Variants in MMP16 observed in about 807,000 individuals in gnomAD.
MMP16 encodes the protein matrix metalloproteinase-16.
A neutral mutation model predicts 67.8 loss-of-function variants in MMP16; 12 were observed. The observed-to-expected ratio is 0.18, with a 90% CI of 0.11 to 0.29. The LOEUF is 0.29. MMP16 is among the 10% of genes least tolerant of loss of function. The pLI is 1.00. For missense variants in MMP16, 475 were observed against 765.7 expected (o/e 0.62, Z 4.48); for synonymous variants, 249 against 255.9 (o/e 0.97, Z 0.26).
chr8:88,233,259 A>C (rs537311868), intron 1 of MMP16, among the ~76,000 whole-genome samples: 104 of 152,278 alleles, frequency 6.8e-4, no homozygotes, highest in African/African-American at 2.4e-3. Flanking sequence ...GTTGCCGATC[A>C]GATAAATTAT....
intron 1 of MMP16, among the ~76,000 whole-genome samples, chr8:88,235,758 G>C (rs6993842): frequency 0.044 from 6,636 of 152,142 alleles, 174 homozygotes; most frequent in Non-Finnish European, 0.054. Context: ...CCTGAACCCT[G>C]TCAACAGGCC....
chr8:88,284,401 A>G (rs1426671342), intron 1 of MMP16, among the ~76,000 whole-genome samples: 1 of 152,098 alleles, frequency 6.6e-6, no homozygotes, highest in African/African-American at 2.4e-5. Flanking sequence ...AAGGATCTCA[A>G]GGATCATCTC....
At chr8:88,068,769 T>C (rs573566635) in intron 7 of MMP16, among the ~76,000 whole-genome samples, 1 of 152,294 alleles carries the variant, frequency 6.6e-6, no homozygotes, top group East Asian at 1.9e-4. Flanking sequence ...GGACATGATC[T>C]TGGCTTACTG....
intron 3 of MMP16, among the ~76,000 whole-genome samples, chr8:88,176,265 G>C: frequency 6.6e-6 from 1 of 152,140 alleles, no homozygotes; most frequent in East Asian, 1.9e-4. Context: ...ATAATTACTT[G>C]TATGCTTAAA....
At chr8:88,296,913 T>C (rs1197447434) in intron 1 of MMP16, among the ~76,000 whole-genome samples, 1 of 150,078 alleles carries the variant, frequency 6.7e-6, no homozygotes, top group Non-Finnish European at 1.5e-5. Flanking sequence ...TAAGTGGAAC[T>C]CTATCTGAAA....
intron 1 of MMP16, among the ~76,000 whole-genome samples, chr8:88,301,852 T>C (rs1366641779): frequency 6.6e-6 from 1 of 152,234 alleles, no homozygotes; most frequent in East Asian, 1.9e-4. Context: ...TTAATGAATA[T>C]CATACCTCAA....
At chr8:88,157,884 A>G (rs1808540691) in intron 4 of MMP16, among the ~76,000 whole-genome samples, 1 of 134,124 alleles carries the variant, frequency 7.5e-6, no homozygotes, top group Non-Finnish European at 1.5e-5. Flanking sequence ...AAGTGTTCTC[A>G]TTGTTCAATT....
chr8:88,307,984 A>G (rs902372084), intron 1 of MMP16, among the ~76,000 whole-genome samples: 1 of 152,148 alleles, frequency 6.6e-6, no homozygotes, highest in African/African-American at 2.4e-5. Context: ...AAGCTGCAAA[A>G]CACTACTGAA....
At chr8:88,311,595 A>T (rs762112850) in intron 1 of MMP16, among the ~76,000 whole-genome samples, 107 of 152,188 alleles carry the variant, frequency 7.0e-4, no homozygotes, top group Non-Finnish European at 9.3e-4. Flanking sequence ...AATGTTATTT[A>T]TGACATGTCA....
intron 4 of MMP16, 50 bp downstream of exon 4, chr8:88,167,619 T>C (rs1241232766): frequency 3.4e-6 from 5 of 1,482,716 alleles, no homozygotes; most frequent in Admixed American, 2.3e-5. Context: ...TCTTGGTTAT[T>C]CTGAAATAAT....
intron 7 of MMP16, among the ~76,000 whole-genome samples, chr8:88,070,699 G>C (rs567501692): frequency 6.6e-6 from 1 of 152,002 alleles, no homozygotes; most frequent in Non-Finnish European, 1.5e-5. Flanking sequence ...GTTCCCCTAC[G>C]TTGTGCCGCA....
chr8:88,109,938 T>G (rs7842560), intron 6 of MMP16, among the ~76,000 whole-genome samples: 9,118 of 151,234 alleles, frequency 0.06, 427 homozygotes, highest in Admixed American at 0.12. Context: ...GGAATTGTCT[T>G]GCCTATATTC....
intron 1 of MMP16, among the ~76,000 whole-genome samples, chr8:88,317,084 T>C (rs1811385977): frequency 6.6e-6 from 1 of 152,186 alleles, no homozygotes; most frequent in South Asian, 2.1e-4. Flanking sequence ...GTGAAGAAGC[T>C]ATGAACACTG....
At chr8:88,288,219 A>G (rs1371053527) in intron 1 of MMP16, among the ~76,000 whole-genome samples, 1 of 152,264 alleles carries the variant, frequency 6.6e-6, no homozygotes, top group Non-Finnish European at 1.5e-5. Context: ...TCCATTAGTA[A>G]AGACAATTCC....
intron 1 of MMP16, among the ~76,000 whole-genome samples, chr8:88,260,793 T>C (rs1259764571): frequency 1.3e-5 from 2 of 152,204 alleles, no homozygotes; most frequent in African/African-American, 4.8e-5. Context: ...ATCCTCATGT[T>C]TGATTAATGA....
chr8:88,250,866 T>C (rs1460005182), intron 1 of MMP16, among the ~76,000 whole-genome samples: 2 of 151,548 alleles, frequency 1.3e-5, no homozygotes, highest in African/African-American at 4.9e-5. Context: ...CATGCTGGTG[T>C]GCTGCACCCA....
chr8:88,211,760 C>T (rs1281782617), intron 1 of MMP16, among the ~76,000 whole-genome samples: 38 of 152,062 alleles, frequency 2.5e-4, no homozygotes, highest in Admixed American at 2.5e-3. Flanking sequence ...TTTGACCTAC[C>T]CTACTAAGTA....
intron 7 of MMP16, among the ~76,000 whole-genome samples, chr8:88,063,228 G>C (rs1375040849): frequency 6.6e-6 from 1 of 151,922 alleles, no homozygotes; most frequent in Non-Finnish European, 1.5e-5. Context: ...CTATTCAATG[G>C]ATGGATGACA....
At chr8:88,301,539 T>G (rs748846108) in intron 1 of MMP16, among the ~76,000 whole-genome samples, 1 of 152,232 alleles carries the variant, frequency 6.6e-6, no homozygotes. Flanking sequence ...TGAATATGTA[T>G]GCTATACTCT....
Sources: allele counts gnomAD v4.1 joint callset (sites outside exome capture counted in the v4.1 genomes callset), GRCh38; gene constraint gnomAD v4.1.1; transcripts MANE v1.5; gene names NCBI Gene and HGNC (gene_info 2026-07-23, HGNC 2026-07-21).